Variants in PDE4D observed in about 807,000 individuals in gnomAD.
PDE4D encodes phosphodiesterase 4D, also known as 3',5'-cyclic-AMP phosphodiesterase 4D.
In PDE4D, 24 loss-of-function variants were observed where a neutral mutation model predicts 87.4. That is an observed-to-expected ratio of 0.27 (90% confidence interval 0.20 to 0.39). The LOEUF (loss-of-function observed/expected upper bound fraction) is 0.39. Ranked by LOEUF, PDE4D falls within the 10% of genes least tolerant of loss-of-function variation. The pLI, the probability that PDE4D is intolerant of heterozygous loss-of-function variation, is 1.00. For missense variants in PDE4D, 714 were observed against 1,041.0 expected, an observed-to-expected ratio of 0.69 and a Z score of 4.32; for synonymous variants, 384 against 383.2, an observed-to-expected ratio of 1.00 and a Z score of -0.02.
intron 5 of PDE4D, among the ~76,000 whole-genome samples, chr5:59,139,515 G>T (rs772153231): frequency 6.6e-6 from 1 of 152,094 alleles, no homozygotes; most frequent in Non-Finnish European, 1.5e-5. Context: ...TTTGAGACAG[G>T]GTCTCACTGT....
chr5:59,836,125 T>C (rs1447720025), intron 1 of PDE4D, among the ~76,000 whole-genome samples: 1 of 152,052 alleles, frequency 6.6e-6, no homozygotes, highest in Non-Finnish European at 1.5e-5. Context: ...AACAGTGCCT[T>C]ACACATAATC....
intron 2 of PDE4D, among the ~76,000 whole-genome samples, chr5:60,089,537 C>A: frequency 6.6e-6 from 1 of 151,192 alleles, no homozygotes; most frequent in Non-Finnish European, 1.5e-5. Flanking sequence ...GAGGATATAC[C>A]AAAAGCAGTT....
chr5:60,160,722 T>C (rs1406753231), intron 2 of PDE4D: 2 of 408,584 alleles, frequency 4.9e-6, no homozygotes, highest in African/African-American at 4.2e-5. Context: ...GGACTCTTAC[T>C]TTTAAGAATA....
At chr5:59,190,207 G>A (rs540671656) in intron 3 of PDE4D, among the ~76,000 whole-genome samples, 2 of 152,056 alleles carry the variant, frequency 1.3e-5, no homozygotes, top group Non-Finnish European at 2.9e-5. Context: ...CCTTAGACAG[G>A]GGAAGGCCAT....
At position 60,397,797 on chromosome 5, in the gene PDE4D, T is replaced by G. The variant is rs1433975190; in HGVS notation, c.-90+90145A>C. Among the ~76,000 whole-genome samples the G allele has an allele frequency of 3.9e-5, 6 of 152,214 alleles. No homozygotes were observed. In the East Asian group the frequency reaches 1.2e-3, roughly 29 times the overall value. ...AATCATGAGTAGATCTATAATCTCA[T>G]CCTTTGTGCTATTCTGCCTGAGCTC... On this transcript the variant is annotated intron_variant, in intron 1 of 16. Coordinates refer to the PDE4D transcript ENST00000502484.
chr5:59,405,600 T>C (rs1257491801), intron 1 of PDE4D, among the ~76,000 whole-genome samples: 2 of 152,118 alleles, frequency 1.3e-5, no homozygotes, highest in Non-Finnish European at 2.9e-5. Flanking sequence ...GTAATGGACA[T>C]CCCTGTCATG....
chr5:60,141,231 G>A (rs913878008), intron 2 of PDE4D, among the ~76,000 whole-genome samples: 2 of 152,094 alleles, frequency 1.3e-5, no homozygotes, highest in Non-Finnish European at 2.9e-5. Flanking sequence ...GTGACAGAAA[G>A]CAATGTAGTG....
intron 1 of PDE4D, among the ~76,000 whole-genome samples, chr5:59,472,820 A>C (rs1036976857): frequency 2.6e-5 from 4 of 152,268 alleles, no homozygotes; most frequent in Admixed American, 2.0e-4. Flanking sequence ...TTGAGATTGA[A>C]TAATACATCT....
At chr5:60,134,611 A>G (rs2149404715) in intron 2 of PDE4D, among the ~76,000 whole-genome samples, 1 of 152,350 alleles carries the variant, frequency 6.6e-6, no homozygotes, top group Middle Eastern at 3.4e-3. Context: ...TGGATGCTCA[A>G]GCCCCTGATA....
chr5:59,188,837 C>T (rs1743530854), intron 3 of PDE4D, among the ~76,000 whole-genome samples: 1 of 152,112 alleles, frequency 6.6e-6, no homozygotes, highest in Non-Finnish European at 1.5e-5. Context: ...GGTTTGTACA[C>T]CAGAAAAGGT....
At chr5:58,992,326 A>G (rs1340258428) in intron 7 of PDE4D, among the ~76,000 whole-genome samples, 2 of 152,218 alleles carry the variant, frequency 1.3e-5, no homozygotes, top group Admixed American at 6.5e-5. Flanking sequence ...ACAGGTGGTT[A>G]TTTCCACTGT....
At chr5:59,023,189 A>AAGAG (rs1554048677) in intron 6 of PDE4D, among the ~76,000 whole-genome samples, 1 of 150,346 alleles carries the variant, frequency 6.7e-6, no homozygotes, top group East Asian at 2.0e-4. Flanking sequence ...AAAAAAAAAA[A>AAGAG]AGAGAGAGAG....
intron 1 of PDE4D, among the ~76,000 whole-genome samples, chr5:59,572,779 C>T (rs1241867752): frequency 6.6e-6 from 1 of 152,176 alleles, no homozygotes; most frequent in Non-Finnish European, 1.5e-5. Context: ...CACGCCCGGC[C>T]GCTTTCTTTT....
chr5:60,518,594 T>G (rs1480468188), intron 1 of PDE4D, among the ~76,000 whole-genome samples: 1 of 152,202 alleles, frequency 6.6e-6, no homozygotes, highest in Non-Finnish European at 1.5e-5. Flanking sequence ...TAGTTAGAAC[T>G]ACAAGAGTTC....
chr5:59,340,858 A>T (rs1778608864), intron 1 of PDE4D, among the ~76,000 whole-genome samples: 2 of 152,142 alleles, frequency 1.3e-5, no homozygotes, highest in Non-Finnish European at 2.9e-5. Context: ...AGATGACAGG[A>T]TCTCATTCCT....
chr5:59,676,499 G>C (rs1172301985), intron 1 of PDE4D, among the ~76,000 whole-genome samples: 1 of 152,090 alleles, frequency 6.6e-6, no homozygotes, highest in African/African-American at 2.4e-5. Context: ...ATTAATTTGT[G>C]ATCAACTAAT....
chr5:60,351,500 T>C (rs894313330), intron 1 of PDE4D, among the ~76,000 whole-genome samples: 1 of 152,158 alleles, frequency 6.6e-6, no homozygotes, highest in African/African-American at 2.4e-5. Flanking sequence ...TATCTAGTTC[T>C]TTAGCAGCTA....
intron 1 of PDE4D, among the ~76,000 whole-genome samples, chr5:59,396,762 G>T (rs1582374599): frequency 1.7e-5 from 2 of 118,376 alleles, no homozygotes; most frequent in South Asian, 2.9e-4. Flanking sequence ...TGGACTAAAT[G>T]CTCCAATTAA....
At chr5:59,487,997 C>G (rs1207094230) in intron 1 of PDE4D, among the ~76,000 whole-genome samples, 1 of 151,922 alleles carries the variant, frequency 6.6e-6, no homozygotes, top group Non-Finnish European at 1.5e-5. Flanking sequence ...AGTGTGTACA[C>G]AGAGACACAG....
Sources: gnomAD v4.1 joint callset for allele counts (sites outside exome capture counted in the v4.1 genomes callset) on GRCh38, gnomAD v4.1.1 for gene constraint, MANE v1.5 for transcripts, NCBI Gene and HGNC (gene_info 2026-07-23, HGNC 2026-07-21) for gene names.